GALNT5: variants seen among roughly 807,000 people sequenced by gnomAD.
GALNT5 encodes the protein polypeptide N-acetylgalactosaminyltransferase 5.
In GALNT5, 72 loss-of-function variants were observed where a neutral mutation model predicts 85.4. The observed-to-expected ratio is 0.84, with a 90% CI of 0.70 to 1.03. The LOEUF is 1.03. Ranked by LOEUF, GALNT5 falls within the 50% of genes least tolerant of loss-of-function variation. The probability of loss-of-function intolerance (pLI) is 0.00; values close to 1 mark genes in which losing one functional copy is unlikely to be tolerated. For missense variants in GALNT5, 1,137 were observed against 1,135.5 expected (o/e 1.00, Z -0.02); for synonymous variants, 404 against 397.0 (o/e 1.02, Z -0.21).
rs1162824927 is a variant in GALNT5, at chr2:157,314,312, G to T, written c.*2964G>T. ...AACCAACTTACCAAGCCATCTAAGT[G>T]CTTCTGAGACTTTTCAGTTTGCACA... On this transcript the variant is annotated 3_prime_UTR_variant, in exon 10 of 10. Coordinates refer to ENST00000259056, the MANE Select transcript of GALNT5 (RefSeq NM_014568.3). The T allele has an allele frequency of 6.6e-6, 1 of 151,882 alleles. No individual in the cohort carries two copies. The highest frequency in any genetic ancestry group is 1.5e-5 in the Non-Finnish European group (1 of 68,022). The allele number at this position is 151,882 out of a possible 1,614,324, so 9.4% of individuals were successfully genotyped here.
At chr2:157,261,278 T>C (rs1682334519) in intron 1 of GALNT5, among the ~76,000 whole-genome samples, 1 of 151,238 alleles carries the variant, frequency 6.6e-6, no homozygotes, top group Non-Finnish European at 1.5e-5. Context: ...AAAAGGCACA[T>C]GCGTGGCGGG....
At chr2:157,293,837 A>G (rs1224897524) in intron 3 of GALNT5, among the ~76,000 whole-genome samples, 3 of 152,314 alleles carry the variant, frequency 2.0e-5, no homozygotes, top group African/African-American at 7.2e-5. Flanking sequence ...GCCTTCTCAT[A>G]CCCAAAGCTC....
Position 157,277,253 on chromosome 2 carries a change from A to T in GALNT5, c.1455-7029A>T, listed in dbSNP as rs189540835. Reference sequence around the variant, plus strand: ...TGCTTTACTTCCAATTATGTGATCAATTTTAGAATAAGTGCGATGTGGTGC... The same window carrying T: ...TGCTTTACTTCCAATTATGTGATCATTTTTAGAATAAGTGCGATGTGGTGC... On this transcript the variant is annotated intron_variant, in intron 1 of 9. Transcript: ENST00000259056. 4.5e-3 allele frequency among the ~76,000 whole-genome samples: 679 copies of T among 152,278 alleles called. 5 individuals carry two copies. The highest frequency in any genetic ancestry group is 0.015 in the African/African-American group (638 of 41,554).
intron 3 of GALNT5, 149 bp from the exon 4 acceptor site, chr2:157,295,514 T>C: frequency 4.9e-6 from 3 of 618,360 alleles, no homozygotes; most frequent in Non-Finnish European, 5.6e-6. Context: ...TGAAATGAAA[T>C]TATAGTGACC....
chr2:157,259,390 A>G lies in GALNT5; in HGVS notation c.1308A>G (p.Lys436=). 6.6e-7 allele frequency: 1 copy of G among 1,511,386 alleles called. No individual in the cohort carries two copies. Among genetic ancestry groups the G allele is most frequent in the Admixed American group, 2.1e-5 (1 of 47,850 alleles). 93.6% of individuals were successfully genotyped at this position (1,511,386 alleles called of 1,614,324 possible). Residue 436 remains lysine (K), a synonymous_variant, in exon 1 of 10, where the codon AAA becomes AAG. Transcript: ENST00000259056. The part of the protein sequence containing the change: ...IDVTLSPRDP[K]APGQFGRPVV... ...TGACACTTTCTCCAAGGGACCCCAA[A>G]GCTCCAGGGCAGTTTGGGCGTCCTG...
intron 8 of GALNT5, among the ~76,000 whole-genome samples, chr2:157,307,261 G>A (rs1163318536): frequency 2.0e-5 from 3 of 152,102 alleles, no homozygotes; most frequent in East Asian, 1.9e-4. Context: ...AAATGTGGAG[G>A]AAGTTAACTC....
chr2:157,266,593 G>A (rs555947975), intron 1 of GALNT5, among the ~76,000 whole-genome samples: 1 of 152,240 alleles, frequency 6.6e-6, no homozygotes, highest in South Asian at 2.1e-4. Context: ...GTTTGTGTGT[G>A]TGTTTGTATC....
chr2:157,281,906 T>C (rs1439206416), intron 1 of GALNT5, among the ~76,000 whole-genome samples: 2 of 152,236 alleles, frequency 1.3e-5, no homozygotes, highest in Non-Finnish European at 2.9e-5. Flanking sequence ...CATACTGATA[T>C]CTTCTTTCTG....
chr2:157,264,924 T>A (rs1238068878), intron 1 of GALNT5, among the ~76,000 whole-genome samples: 1 of 152,128 alleles, frequency 6.6e-6, no homozygotes, highest in Non-Finnish European at 1.5e-5. Context: ...GAAATGAACG[T>A]GATTTTGTGA....
Position 157,284,483 on chromosome 2 carries a change from CAA to C in GALNT5, c.1621+37_1621+38del, listed in dbSNP as rs764905095. The C allele has an allele frequency of 3.2e-6, 5 of 1,580,318 alleles. No individual in the cohort carries two copies. The East Asian group carries it at 1.1e-4, about 36-fold the overall frequency. ...CCACTCAGGCTATCTCTTGAAATTT[CAA>C]AGTTTGGCAGAAGCAAAGTTTAGTA... On this transcript the variant is annotated intron_variant, in intron 2 of 9. Coordinates refer to ENST00000259056, the MANE Select transcript of GALNT5 (RefSeq NM_014568.3).
chr2:157,309,745 G>C (rs7608600), intron 9 of GALNT5, among the ~76,000 whole-genome samples: 11,755 of 152,126 alleles, frequency 0.077, 750 homozygotes, highest in East Asian at 0.3. Flanking sequence ...CCTGAGTAAT[G>C]TATTCTCCAA....
At chr2:157,287,390 C>A (rs1300256745) in intron 3 of GALNT5, among the ~76,000 whole-genome samples, 1 of 151,650 alleles carries the variant, frequency 6.6e-6, no homozygotes, top group Non-Finnish European at 1.5e-5. Context: ...CCCTCTCCTG[C>A]TTTCTAACTC....
chr2:157,301,759 G>A (rs866427515), intron 7 of GALNT5: 1 of 152,260 alleles, frequency 6.6e-6, no homozygotes, highest in Admixed American at 6.5e-5. Flanking sequence ...AAGCAAGGGG[G>A]TGATAAGATT....
chr2:157,274,457 GCCTT>G (rs1682673200), intron 1 of GALNT5, among the ~76,000 whole-genome samples: 1 of 152,280 alleles, frequency 6.6e-6, no homozygotes, highest in East Asian at 1.9e-4. Context: ...CAGTGTAAAA[GCCTT>G]CCTATTTCTC....
intron 1 of GALNT5, among the ~76,000 whole-genome samples, chr2:157,278,613 G>A (rs1254313051): frequency 3.3e-5 from 5 of 152,030 alleles, no homozygotes; most frequent in Non-Finnish European, 7.4e-5. Flanking sequence ...ATCGGCTATT[G>A]AAGCTTGTGC....
rs1683439039 is a variant in GALNT5 at position 157,305,597 on chromosome 2, G to A, written c.2440-152G>A. On this transcript the variant is annotated intron_variant, in intron 7 of 9. Coordinates refer to ENST00000259056, the MANE Select transcript of GALNT5 (RefSeq NM_014568.3). ...TTACATTATGTCTCTGTTAGAGATAGCAACCAATAAAACTGGATAGTGCTA... is the reference window on the plus strand; with the variant it reads ...TTACATTATGTCTCTGTTAGAGATAACAACCAATAAAACTGGATAGTGCTA... The A allele has an allele frequency of 7.0e-6, 4 of 574,704 alleles. No homozygotes were observed. In the East Asian group the frequency reaches 1.2e-4, roughly 17 times the overall value. 35.6% of individuals were successfully genotyped at this position (574,704 alleles called of 1,614,324 possible).
At chr2:157,273,929 C>T (rs1682657167) in intron 1 of GALNT5, among the ~76,000 whole-genome samples, 1 of 151,982 alleles carries the variant, frequency 6.6e-6, no homozygotes, top group East Asian at 1.9e-4. Context: ...CACCCATCAA[C>T]TCGTCATTTA....
At position 157,284,406 on chromosome 2, in the gene GALNT5, C is replaced by T. The variant is rs747978590; in HGVS notation, c.1579C>T (p.Leu527Phe). The T allele has an allele frequency of 4.4e-5, 71 of 1,613,798 alleles. 1 individual carries two copies. In the East Asian group the frequency reaches 8.7e-4, roughly 20 times the overall value. Residue 527 changes from leucine to phenylalanine, a missense_variant, in exon 2 of 10, where the codon CTC becomes TTC. Physicochemically the swap from Leu to Phe is conservative, Grantham distance 22. Transcript: ENST00000259056. ...TGTCATCAATCGCTCTCCTCCACAC[C>T]TCATCAAGGAGATTCTGCTGGTAGA... Reference protein sequence around the residue: ...HSVINRSPPHLIKEILLVDDF... With the variant: ...HSVINRSPPHFIKEILLVDDF...
At position 157,258,467 on chromosome 2, in the gene GALNT5, C is replaced by A. The variant is rs1405687403; in HGVS notation, c.385C>A (p.Pro129Thr). The A allele has an allele frequency of 6.2e-7, 1 of 1,605,520 alleles. No individual in the cohort carries two copies. Reference sequence around the variant, plus strand: ...GGGCAAGGTTGTGCCGTTGTGGCATCCTGCACATCTGCAGACCCTCCCTGT... The same window carrying A: ...GGGCAAGGTTGTGCCGTTGTGGCATACTGCACATCTGCAGACCCTCCCTGT... ...GRGKVVPLWHPAHLQTLPVTP... is the reference protein window; with the variant it reads ...GRGKVVPLWHTAHLQTLPVTP... The change falls in exon 1 of 10, where the codon CCT becomes ACT. Residue 129 changes from proline (P) to threonine (T), a missense_variant. Coordinates refer to ENST00000259056, the MANE Select transcript of GALNT5 (RefSeq NM_014568.3).
Sources: gnomAD v4.1 joint callset for allele counts (sites outside exome capture counted in the v4.1 genomes callset) on GRCh38, gnomAD v4.1.1 for gene constraint, MANE v1.5 for transcripts, NCBI Gene and HGNC (gene_info 2026-07-23, HGNC 2026-07-21) for gene names.